The following LARGE1 variants were observed in gnomAD, a reference collection of about 807,000 sequenced individuals.
LARGE1 encodes xylosyl- and glucuronyltransferase LARGE1.
In LARGE1, 43 loss-of-function variants were observed where a neutral mutation model predicts 87.6. That is an observed-to-expected ratio of 0.49 (90% CI 0.38 to 0.63). The LOEUF is 0.63. Among genes scored for constraint, LARGE1 ranks in the 30% least tolerant of loss-of-function variants. The pLI, the probability that LARGE1 is intolerant of heterozygous loss-of-function variation, is 0.00. For missense variants in LARGE1, 802 were observed against 1,000.2 expected (o/e 0.80, Z 2.67); for synonymous variants, 434 against 394.6 (o/e 1.10, Z -1.18).
chr22:33,068,845 TGAA>T, the LARGE1 span, among the ~76,000 whole-genome samples: 1 of 151,912 alleles, frequency 6.6e-6, no homozygotes, highest in Non-Finnish European at 1.5e-5. Flanking sequence ...TCAAAACACT[TGAA>T]GGAAAAGCTT....
intron 1 of LARGE1, among the ~76,000 whole-genome samples, chr22:33,867,350 C>T (rs1030391860): frequency 6.6e-6 from 1 of 152,156 alleles, no homozygotes; most frequent in Non-Finnish European, 1.5e-5. Flanking sequence ...CTGGACTCTG[C>T]TCTGACTCAT....
chr22:33,616,654 T>A (rs564751216), intron 4 of LARGE1, among the ~76,000 whole-genome samples: 3 of 152,154 alleles, frequency 2.0e-5, no homozygotes, highest in African/African-American at 2.4e-5. Flanking sequence ...GAAGAACTGA[T>A]ACATGCTACA....
chr22:33,900,418 G>A (rs1273297329), intron 1 of LARGE1, among the ~76,000 whole-genome samples: 1 of 152,200 alleles, frequency 6.6e-6, no homozygotes, highest in Admixed American at 6.5e-5. Context: ...ATGCTCATTA[G>A]ATGTCACTTG....
At chr22:33,814,853 A>G (rs2086603939) in intron 1 of LARGE1, among the ~76,000 whole-genome samples, 1 of 152,202 alleles carries the variant, frequency 6.6e-6, no homozygotes. Context: ...GATACTCACA[A>G]CAGGTCACCT....
chr22:33,367,090 A>T (rs1026732807), intron 9 of LARGE1, among the ~76,000 whole-genome samples: 1 of 151,990 alleles, frequency 6.6e-6, no homozygotes, highest in African/African-American at 2.4e-5. Flanking sequence ...AAATTCTCAA[A>T]TTTGTTCACA....
At chr22:33,869,583 GA>G (rs1386449012) in intron 1 of LARGE1, among the ~76,000 whole-genome samples, 1 of 152,148 alleles carries the variant, frequency 6.6e-6, no homozygotes, top group Non-Finnish European at 1.5e-5. Context: ...TCACTGACGA[GA>G]AAACACCAGG....
chr22:33,357,413 T>C (rs1940996193), intron 9 of LARGE1, among the ~76,000 whole-genome samples: 1 of 152,170 alleles, frequency 6.6e-6, no homozygotes, highest in Non-Finnish European at 1.5e-5. Context: ...ATGTACATTA[T>C]TTTGGGTGAT....
At chr22:33,914,946 T>A (rs1264444588) in intron 1 of LARGE1, among the ~76,000 whole-genome samples, 1 of 151,596 alleles carries the variant, frequency 6.6e-6, no homozygotes, top group Non-Finnish European at 1.5e-5. Context: ...GGGGCTTGAT[T>A]AAAGCATCCT....
intron 7 of LARGE1, among the ~76,000 whole-genome samples, chr22:33,424,054 C>T (rs1225670561): frequency 3.3e-5 from 5 of 152,148 alleles, no homozygotes; most frequent in Admixed American, 3.3e-4. Context: ...AAAAGTACAT[C>T]ATCAGAGGCC....
intron 6 of LARGE1, among the ~76,000 whole-genome samples, chr22:33,524,779 A>G (rs994945185): frequency 2.0e-5 from 3 of 151,812 alleles, no homozygotes; most frequent in African/African-American, 7.3e-5. Context: ...AAACCAAACC[A>G]AACAAAAAAA....
At chr22:33,236,970 G>A (rs1338533586) in intron 11 of LARGE1, among the ~76,000 whole-genome samples, 1 of 152,246 alleles carries the variant, frequency 6.6e-6, no homozygotes, top group Admixed American at 6.5e-5. Context: ...AAGTAAGACA[G>A]TGGATGTGGA....
At chr22:33,149,985 G>C in the LARGE1 span, among the ~76,000 whole-genome samples, 1 of 152,210 alleles carries the variant, frequency 6.6e-6, no homozygotes, top group Admixed American at 6.5e-5. Context: ...CTGCTTTAAG[G>C]TCTCATGTTA....
intron 6 of LARGE1, among the ~76,000 whole-genome samples, chr22:33,507,965 T>G (rs2070844584): frequency 6.6e-6 from 1 of 152,190 alleles, no homozygotes; most frequent in Admixed American, 6.5e-5. Flanking sequence ...TACCTCCTCC[T>G]TGCGTTTCTG....
intron 11 of LARGE1, among the ~76,000 whole-genome samples, chr22:33,264,830 C>G (rs1164678106): frequency 1.3e-5 from 2 of 148,596 alleles, no homozygotes; most frequent in African/African-American, 2.5e-5. Flanking sequence ...TCAATTTTAA[C>G]AAGAATCCTG....
At chr22:33,734,221 A>C (rs2083571369) in intron 2 of LARGE1, among the ~76,000 whole-genome samples, 1 of 152,194 alleles carries the variant, frequency 6.6e-6, no homozygotes, top group Non-Finnish European at 1.5e-5. Flanking sequence ...ATTATCTGCA[A>C]AGACCCTCTT....
chr22:33,808,004 C>T (rs746609385), intron 1 of LARGE1, among the ~76,000 whole-genome samples: 1 of 152,156 alleles, frequency 6.6e-6, no homozygotes, highest in Non-Finnish European at 1.5e-5. Flanking sequence ...GTTTTCAGCT[C>T]CTTTGGGTAA....
rs58487722 is a variant in LARGE1 at position 33,233,210 on chromosome 22, G to A, written c.1731-66378C>T. Among the ~76,000 whole-genome samples the A allele has an allele frequency of 1.2e-4, 18 of 152,246 alleles. 1 individual carries two copies. In the East Asian group the frequency reaches 3.1e-3, roughly 26 times the overall value. ...GAGAGAGAACAGAATGAGTGTGGAGGAGAGGTAACTTCCGGGTATAGGAAG... is the reference window on the plus strand; with the variant it reads ...GAGAGAGAACAGAATGAGTGTGGAGAAGAGGTAACTTCCGGGTATAGGAAG... On this transcript the variant is annotated intron_variant, in intron 11 of 11. Transcript: ENST00000608642.
intron 6 of LARGE1, among the ~76,000 whole-genome samples, chr22:33,543,215 GA>G (rs67400207): frequency 0.48 from 70,068 of 146,054 alleles, 17,493 homozygotes; most frequent in Non-Finnish European, 0.57. Context: ...AAGAAAAAAA[GA>G]AAAAAAAAAA....
At chr22:33,741,785 C>CG (rs2083892230) in intron 2 of LARGE1, among the ~76,000 whole-genome samples, 4 of 152,210 alleles carry the variant, frequency 2.6e-5, no homozygotes, top group South Asian at 2.1e-4. Flanking sequence ...CTCTGTCCTG[C>CG]AATCACCTTG....
Sources: allele counts gnomAD v4.1 joint callset (sites outside exome capture counted in the v4.1 genomes callset), GRCh38; gene constraint gnomAD v4.1.1; transcripts MANE v1.5; gene names NCBI Gene and HGNC (gene_info 2026-07-23, HGNC 2026-07-21).